Variants in FAM83F observed in about 807,000 individuals in gnomAD.
FAM83F encodes the protein scaffolding CK1 anchoring protein F.
Under a neutral mutation model 42.9 loss-of-function variants are expected in FAM83F, and 45 were observed. That is an observed-to-expected ratio of 1.05 (90% CI 0.83 to 1.35). The LOEUF (loss-of-function observed/expected upper bound fraction) is 1.35, where lower values mean the gene tolerates loss of function less well. Among genes scored for constraint, FAM83F ranks in the 40% most tolerant of loss-of-function variants. FAM83F has a pLI of 0.00. For synonymous variants in FAM83F, 306 were observed against 298.3 expected, an observed-to-expected ratio of 1.03 and a Z score of -0.27; for missense variants, 617 against 695.9, an observed-to-expected ratio of 0.89 and a Z score of 1.28.
chr22:40,004,229 T>C (rs1194761520), intron 1 of FAM83F, among the ~76,000 whole-genome samples: 1 of 150,108 alleles, frequency 6.7e-6, no homozygotes, highest in South Asian at 2.1e-4. Context: ...TATTACTTAT[T>C]GGGCATATAA....
intron 3 of FAM83F, among the ~76,000 whole-genome samples, chr22:40,020,991 C>A (rs533350880): frequency 6.6e-6 from 1 of 152,326 alleles, no homozygotes; most frequent in South Asian, 2.1e-4. Context: ...ACCCTGTGAA[C>A]ATATGTCCTG....
chr22:40,027,561 C>T (rs1046152972), intron 4 of FAM83F, among the ~76,000 whole-genome samples: 1 of 152,242 alleles, frequency 6.6e-6, no homozygotes, highest in African/African-American at 2.4e-5. Context: ...TACACCTTCC[C>T]TGTTCACCTG....
At chr22:40,008,311 C>T (rs2145712813) in intron 1 of FAM83F, among the ~76,000 whole-genome samples, 1 of 152,352 alleles carries the variant, frequency 6.6e-6, no homozygotes, top group Non-Finnish European at 1.5e-5. Context: ...CTGTCTCCTT[C>T]TTTCTCGCCC....
chr22:40,024,764 G>C (rs928082195), intron 4 of FAM83F, among the ~76,000 whole-genome samples: 1 of 152,164 alleles, frequency 6.6e-6, no homozygotes, highest in Non-Finnish European at 1.5e-5. Flanking sequence ...TCTGTCATAA[G>C]AGAAAAAATA....
rs1229401038 is a variant in FAM83F at position 39,995,072 on chromosome 22, C to T, written c.30C>T (p.Asp10=). Residue 10 remains aspartate, a synonymous_variant, in exon 1 of 5, where the codon GAC becomes GAT. Coordinates refer to ENST00000333407, the MANE Select transcript of FAM83F (RefSeq NM_138435.4). The surrounding 1 kb of genome is among the most constrained non-coding windows in gnomAD (Gnocchi z 4.6). MAESQLNCL[D]EAHVNEKVTE... is the part of the protein sequence containing the mutation. ...CCGAGTCCCAGCTGAACTGCCTGGA[C>T]GAGGCGCACGTGAACGAGAAGGTGA... is the stretch of plus-strand genomic sequence containing the variant. The T allele has an allele frequency of 5.2e-6, 7 of 1,342,964 alleles. No individual in the cohort carries two copies. The highest frequency in any genetic ancestry group is 2.0e-5 in the South Asian group (1 of 51,036). The allele number at this position is 1,342,964 out of a possible 1,614,324, so 83.2% of individuals were successfully genotyped here.
At chr22:40,027,584 TC>T (rs1601773572) in intron 4 of FAM83F, among the ~76,000 whole-genome samples, 1 of 152,188 alleles carries the variant, frequency 6.6e-6, no homozygotes, top group Non-Finnish European at 1.5e-5. Context: ...CAGGGCTGAC[TC>T]CCCACACGTG....
At chr22:39,997,628 T>C (rs192140064) in intron 1 of FAM83F, among the ~76,000 whole-genome samples, 96 of 152,178 alleles carry the variant, frequency 6.3e-4, no homozygotes, top group African/African-American at 2.2e-3. Context: ...AGTTGCAGAA[T>C]TGGAAAGGGA....
At chr22:40,001,697 A>G (rs2067402624) in intron 1 of FAM83F, among the ~76,000 whole-genome samples, 1 of 152,272 alleles carries the variant, frequency 6.6e-6, no homozygotes, top group East Asian at 1.9e-4. Context: ...GATAAGAAAA[A>G]CAAGGGAGAA....
intron 2 of FAM83F, 34 bp from the exon 3 acceptor site, chr22:40,019,853 C>T (rs745616478): frequency 3.2e-6 from 5 of 1,586,324 alleles, no homozygotes; most frequent in Non-Finnish European, 4.3e-6. Context: ...GCTGGCCCAA[C>T]CCAGGTGACA....
intron 3 of FAM83F, 140 bp downstream of exon 3, chr22:40,020,148 C>T: frequency 4.0e-6 from 5 of 1,249,254 alleles, no homozygotes; most frequent in Non-Finnish European, 5.3e-6. Flanking sequence ...CAGCTTTCTG[C>T]CCAGTCCCTT....
At chr22:39,996,214 C>A (rs915919084) in intron 1 of FAM83F, among the ~76,000 whole-genome samples, 4 of 152,106 alleles carry the variant, frequency 2.6e-5, no homozygotes, top group African/African-American at 7.2e-5. Context: ...GCATATGTGT[C>A]CTGCTTGAGA....
At chr22:40,028,018 C>T (rs948544664) in intron 4 of FAM83F, among the ~76,000 whole-genome samples, 5 of 152,248 alleles carry the variant, frequency 3.3e-5, no homozygotes, top group East Asian at 1.9e-4. Context: ...GAAATGGGGA[C>T]GAATGTGTCC....
rs1007215031 is a variant in FAM83F at position 40,039,433 on chromosome 22, T to C, written c.*9868T>C. 3 of 152,146 alleles carry C rather than the reference T, an allele frequency of 2.0e-5. No individual in the cohort carries two copies. Among genetic ancestry groups the C allele is most frequent in the African/African-American group, 4.8e-5 (2 of 41,424 alleles). 9.4% of individuals were successfully genotyped at this position (152,146 alleles called of 1,614,324 possible). On this transcript the variant is annotated 3_prime_UTR_variant, in exon 5 of 5. Transcript: ENST00000333407. The stretch of plus-strand genomic sequence containing the variant: ...CTGGTATGTGGGTTAAAATGTTAGG[T>C]TTTATCATTATCTTAGGTGGAGAAT...
rs896773615 is a variant in FAM83F, at chr22:40,030,669, C to T, written c.*1104C>T. 8 of 152,256 alleles carry T rather than the reference C, an allele frequency of 5.3e-5. No individual in the cohort carries two copies. Among genetic ancestry groups the T allele is most frequent in the African/African-American group, 1.7e-4 (7 of 41,436 alleles). The allele number at this position is 152,256 out of a possible 1,614,324, so 9.4% of individuals were successfully genotyped here. A position where few individuals can be genotyped will look rare whatever the true frequency, so the allele number is the denominator to read the frequency against. ...CAGTAAGCAATTCCATTCTGCCTTC[C>T]CCACTTGGGTGACTGGAGAGGGCCG... On this transcript the variant is annotated 3_prime_UTR_variant, in exon 5 of 5. Transcript: ENST00000333407.
intron 1 of FAM83F, among the ~76,000 whole-genome samples, chr22:39,997,169 G>T (rs1412467396): frequency 6.6e-6 from 1 of 152,220 alleles, no homozygotes; most frequent in Non-Finnish European, 1.5e-5. Flanking sequence ...CAAAGCCCTT[G>T]CTCTTAACCA....
chr22:40,004,266 G>GT (rs2067416199), intron 1 of FAM83F, among the ~76,000 whole-genome samples: 1 of 89,670 alleles, frequency 1.1e-5, no homozygotes, highest in South Asian at 3.2e-4. Context: ...AGCCCTTTTA[G>GT]AATTTTATTT....
At chr22:40,003,240 T>C (rs1323510828) in intron 1 of FAM83F, among the ~76,000 whole-genome samples, 5 of 152,112 alleles carry the variant, frequency 3.3e-5, no homozygotes, top group Non-Finnish European at 7.4e-5. Flanking sequence ...ACAGGTAGTT[T>C]CTCCAGAGAC....
At chr22:40,015,661 C>G (rs931107776) in intron 1 of FAM83F, among the ~76,000 whole-genome samples, 1 of 152,170 alleles carries the variant, frequency 6.6e-6, no homozygotes, top group Admixed American at 6.5e-5. Flanking sequence ...TTCTCCTGTT[C>G]CTTTCTCTGG....
chr22:40,027,003 T>C (rs1399300316), intron 4 of FAM83F, among the ~76,000 whole-genome samples: 4 of 152,146 alleles, frequency 2.6e-5, no homozygotes. Flanking sequence ...TCAATAAATA[T>C]GTGTCTACGA....
Sources: allele counts gnomAD v4.1 joint callset (sites outside exome capture counted in the v4.1 genomes callset), GRCh38; gene constraint gnomAD v4.1.1; non-coding constraint Gnocchi (gnomAD v3.1); transcripts MANE v1.5; gene names NCBI Gene and HGNC (gene_info 2026-07-23, HGNC 2026-07-21).